Variants in CRADD observed in about 807,000 individuals in gnomAD.
The protein encoded by CRADD is death domain-containing protein CRADD.
Under a neutral mutation model 15.5 loss-of-function variants are expected in CRADD, and 9 were observed. The ratio of observed to expected loss-of-function variants is 0.58; its 90% CI spans 0.35 to 1.01. CRADD has a LOEUF of 1.01. CRADD is among the 50% of genes least tolerant of loss of function. The pLI is 0.02. For missense variants in CRADD, 227 were observed against 250.3 expected (o/e 0.91, Z 0.63); for synonymous variants, 118 against 107.6 (o/e 1.10, Z -0.60).
chr12:93,745,746 T>A (rs61928998), intron 2 of CRADD, among the ~76,000 whole-genome samples: 15 of 152,224 alleles, frequency 9.9e-5, no homozygotes, highest in Non-Finnish European at 2.2e-4. Context: ...GTGGGCATTT[T>A]GGTATAGAAG....
intron 2 of CRADD, among the ~76,000 whole-genome samples, chr12:93,691,926 C>G (rs1052437012): frequency 2.8e-4 from 43 of 152,044 alleles, no homozygotes; most frequent in African/African-American, 9.7e-4. Context: ...GGAAAAATAA[C>G]TAATGCATGT....
intron 2 of CRADD, among the ~76,000 whole-genome samples, chr12:93,886,399 G>C (rs571202006): frequency 6.6e-6 from 1 of 152,056 alleles, no homozygotes; most frequent in African/African-American, 2.4e-5. Context: ...GAGCTCAAGC[G>C]ATCTGTCCGC....
At chr12:93,768,198 A>G (rs1415581738) in intron 2 of CRADD, among the ~76,000 whole-genome samples, 1 of 152,244 alleles carries the variant, frequency 6.6e-6, no homozygotes, top group Non-Finnish European at 1.5e-5. Context: ...TGAATGCTTT[A>G]GCAAAATGTG....
At chr12:93,713,731 A>G (rs1956114858) in intron 2 of CRADD, among the ~76,000 whole-genome samples, 2 of 152,228 alleles carry the variant, frequency 1.3e-5, no homozygotes, top group Admixed American at 1.3e-4. Context: ...TGACTATATC[A>G]TACACATTAG....
At position 93,850,124 on chromosome 12, in the gene CRADD, C is replaced by A; in HGVS notation, c.453C>A (p.Asn151Lys). The A allele has an allele frequency of 6.2e-7, 1 of 1,614,138 alleles. No individual in the cohort carries two copies. The highest frequency in any genetic ancestry group is 1.6e-4 in the Middle Eastern group (1 of 6,062). ...CGGATATCTACCGCTGTAAGGCCAACCACCCCCACAACGTGCAGTCGCAGG... is the reference window on the plus strand; with the variant it reads ...CGGATATCTACCGCTGTAAGGCCAAACACCCCCACAACGTGCAGTCGCAGG... ...SQTDIYRCKA[N>K]HPHNVQSQVV... The change falls in exon 3 of 3, where the codon AAC becomes AAA. Residue 151 changes from asparagine (N) to lysine (K), a missense_variant. Asn to Lys is a moderately conservative substitution (Grantham distance 94). Coordinates refer to ENST00000332896, the MANE Select transcript of CRADD (RefSeq NM_003805.5). This position sits in a 1 kb window ranked among gnomAD's most constrained non-coding sequence, Gnocchi z 4.0.
chr12:93,860,039 G>A lies in CRADD; in HGVS notation c.299-34011G>A, dbSNP rs193132970. 2.3e-3 allele frequency among the ~76,000 whole-genome samples: 353 copies of A among 152,000 alleles called. 3 individuals are homozygous for A. Among genetic ancestry groups the A allele is most frequent in the African/African-American group, 8.2e-3 (338 of 41,452 alleles). ...GCCACTGTATTTGGCTCATGTAGGGGGTTTGTTAACCATCACTGCTTTTAG... is the reference window on the plus strand; with the variant it reads ...GCCACTGTATTTGGCTCATGTAGGGAGTTTGTTAACCATCACTGCTTTTAG... On this transcript the variant is annotated intron_variant, in intron 2 of 2. Transcript: ENST00000548483.
At chr12:93,690,357 T>C (rs994887225) in intron 2 of CRADD, among the ~76,000 whole-genome samples, 5 of 152,234 alleles carry the variant, frequency 3.3e-5, no homozygotes, top group African/African-American at 7.2e-5. Context: ...AAACAAATGA[T>C]AGCCCTTTAA....
intron 2 of CRADD, among the ~76,000 whole-genome samples, chr12:93,763,230 C>G (rs1956989546): frequency 6.6e-6 from 1 of 152,182 alleles, no homozygotes; most frequent in African/African-American, 2.4e-5. Flanking sequence ...ATTATGCTAC[C>G]CCTCTGGATC....
At chr12:93,758,924 T>G (rs1449291249) in intron 2 of CRADD, among the ~76,000 whole-genome samples, 2 of 152,140 alleles carry the variant, frequency 1.3e-5, no homozygotes, top group East Asian at 3.8e-4. Flanking sequence ...ATGAAATAAG[T>G]TCTTGTAATC....
At chr12:93,851,437 C>G (rs1304670293), downstream of CRADD, among the ~76,000 whole-genome samples, 2 of 152,224 alleles carry the variant, frequency 1.3e-5, no homozygotes, top group African/African-American at 4.8e-5. Context: ...CCTCTCTACA[C>G]CTCAGTTTCC....
intron 2 of CRADD, among the ~76,000 whole-genome samples, chr12:93,883,902 G>C (rs749273751): frequency 7.2e-5 from 11 of 152,268 alleles, no homozygotes; most frequent in Non-Finnish European, 1.3e-4. Flanking sequence ...GACAATGAAG[G>C]GTACGTTCTG....
downstream of CRADD, among the ~76,000 whole-genome samples, chr12:93,852,096 A>G (rs1958229442): frequency 6.6e-6 from 1 of 152,252 alleles, no homozygotes; most frequent in African/African-American, 2.4e-5. Flanking sequence ...TTTTGGCCAT[A>G]TCACTGTGCC....
chr12:93,753,235 T>C (rs749246343), intron 2 of CRADD, among the ~76,000 whole-genome samples: 2 of 150,880 alleles, frequency 1.3e-5, no homozygotes, highest in East Asian at 1.9e-4. Context: ...ATCAAGAGAA[T>C]AGCACAGGAA....
chr12:93,803,462 A>G (rs1050609184), intron 2 of CRADD, among the ~76,000 whole-genome samples: 1 of 152,126 alleles, frequency 6.6e-6, no homozygotes, highest in African/African-American at 2.4e-5. Flanking sequence ...GAAAAAAAAT[A>G]TCTACTGTAG....
At chr12:93,825,357 G>A (rs1316425346) in intron 2 of CRADD, among the ~76,000 whole-genome samples, 3 of 152,220 alleles carry the variant, frequency 2.0e-5, no homozygotes, top group Non-Finnish European at 1.5e-5. Context: ...TAGTCTGAGT[G>A]ATTTGGGGCA....
chr12:93,714,850 C>G (rs916395838), intron 2 of CRADD: 3 of 152,180 alleles, frequency 2.0e-5, no homozygotes, highest in African/African-American at 7.2e-5. Flanking sequence ...CATGGCCACT[C>G]CTTGGTACAA....
intron 2 of CRADD, among the ~76,000 whole-genome samples, chr12:93,885,954 G>A (rs1958533814): frequency 6.6e-6 from 1 of 151,996 alleles, no homozygotes; most frequent in Non-Finnish European, 1.5e-5. Context: ...TAGGAGAATC[G>A]CTTGAATCTA....
Position 93,757,118 on chromosome 12 carries a change from A to G in CRADD, c.298+78046A>G, listed in dbSNP as rs191781744. Among the ~76,000 whole-genome samples, 80 of 152,322 alleles carry G rather than the reference A, an allele frequency of 5.3e-4. 1 individual carries two copies. The highest frequency in any genetic ancestry group is 1.7e-3 in the African/African-American group (70 of 41,586). ...TTGGAAAATTTACTAAAACATACGT[A>G]TATTTCCCCATCTTCTTAATAAAGC... On this transcript the variant is annotated intron_variant, in intron 2 of 2. Coordinates refer to ENST00000332896, the MANE Select transcript of CRADD (RefSeq NM_003805.5).
intron 2 of CRADD, among the ~76,000 whole-genome samples, chr12:93,744,042 C>A (rs923370506): frequency 6.6e-6 from 1 of 152,084 alleles, no homozygotes; most frequent in Non-Finnish European, 1.5e-5. Flanking sequence ...CCCTTGTATT[C>A]GTTTTCTATT....
Sources: allele counts gnomAD v4.1 joint callset (sites outside exome capture counted in the v4.1 genomes callset), GRCh38; gene constraint gnomAD v4.1.1; non-coding constraint Gnocchi (gnomAD v3.1); transcripts MANE v1.5; gene names NCBI Gene and HGNC (gene_info 2026-07-23, HGNC 2026-07-21).